CHCHD3: variants seen among roughly 807,000 people sequenced by gnomAD.
The protein encoded by CHCHD3 is coiled-coil-helix-coiled-coil-helix domain containing 3.
Under a neutral mutation model 38.2 loss-of-function variants are expected in CHCHD3, and 20 were observed. The ratio of observed to expected loss-of-function variants is 0.52; its 90% CI spans 0.37 to 0.76. The LOEUF (loss-of-function observed/expected upper bound fraction) is 0.76, where lower values mean the gene tolerates loss of function less well. Ranked by LOEUF, CHCHD3 falls within the 30% of genes least tolerant of loss-of-function variation. The pLI, the probability that CHCHD3 is intolerant of heterozygous loss-of-function variation, is 0.00. For synonymous variants in CHCHD3, 82 were observed against 100.0 expected, an observed-to-expected ratio of 0.82 and a Z score of 1.07; for missense variants, 245 against 279.2, an observed-to-expected ratio of 0.88 and a Z score of 0.87.
chr7:132,951,351 G>A (rs187895228), intron 4 of CHCHD3, among the ~76,000 whole-genome samples: 1 of 152,188 alleles, frequency 6.6e-6, no homozygotes, highest in South Asian at 2.1e-4. Context: ...GAGAAGGGAA[G>A]TATTTAGAAA....
chr7:132,997,103 T>G (rs1472934924), intron 3 of CHCHD3, among the ~76,000 whole-genome samples: 1 of 152,236 alleles, frequency 6.6e-6, no homozygotes, highest in Admixed American at 6.5e-5. Context: ...ATGAACCATG[T>G]TAGCTAAACT....
At chr7:132,942,494 TACTC>T (rs1436966077) in intron 4 of CHCHD3, among the ~76,000 whole-genome samples, 2 of 152,220 alleles carry the variant, frequency 1.3e-5, no homozygotes, top group African/African-American at 4.8e-5. Context: ...AGAAGAAAAT[TACTC>T]AGTGTTAATA....
At chr7:132,799,007 C>CTGTGTGTGTG (rs58508838) in intron 6 of CHCHD3, among the ~76,000 whole-genome samples, 32 of 145,588 alleles carry the variant, frequency 2.2e-4, no homozygotes, top group African/African-American at 3.8e-4. Context: ...GTGATCTGTT[C>CTGTGTGTGTG]TGTGTGTGTG....
intron 3 of CHCHD3, among the ~76,000 whole-genome samples, chr7:132,991,903 G>C (rs889608003): frequency 6.6e-6 from 1 of 152,128 alleles, no homozygotes; most frequent in Non-Finnish European, 1.5e-5. Flanking sequence ...AGTCTCTGTT[G>C]TAATTAATTT....
At chr7:133,039,228 T>A (rs1813761544) in intron 2 of CHCHD3, among the ~76,000 whole-genome samples, 1 of 152,170 alleles carries the variant, frequency 6.6e-6, no homozygotes, top group Admixed American at 6.5e-5. Context: ...ATAACAAATA[T>A]CAAAACCATT....
At position 133,077,482 on chromosome 7, in the gene CHCHD3, C is replaced by A. The variant is rs563110559; in HGVS notation, c.81+4375G>T. Among the ~76,000 whole-genome samples, 18 of 152,332 alleles carry A rather than the reference C, an allele frequency of 1.2e-4. No individual in the cohort carries two copies. The South Asian group carries it at 1.4e-3, about 12-fold the overall frequency. ...GGCTCCTGTGAATTTCAGCTTGCAA[C>A]TTTAAAGCCCAGCTGCGGACATTCG... On this transcript the variant is annotated intron_variant, in intron 1 of 7. Coordinates refer to ENST00000262570, the MANE Select transcript of CHCHD3 (RefSeq NM_017812.4).
chr7:132,822,186 C>T (rs953347262), intron 6 of CHCHD3, among the ~76,000 whole-genome samples: 2 of 152,272 alleles, frequency 1.3e-5, no homozygotes, highest in South Asian at 4.1e-4. Context: ...CTTCTCAGCG[C>T]TTCACTTTCC....
Position 133,007,290 on chromosome 7 carries a change from G to A in CHCHD3, c.251+17256C>T, listed in dbSNP as rs1459686422. The stretch of plus-strand genomic sequence containing the variant: ...GAAGCAAGCAGGGGCAGACCTAGGA[G>A]AGACCCACTTGATTGTGCCCATGTC... On this transcript the variant is annotated intron_variant, in intron 3 of 7. Transcript: ENST00000262570. Among the ~76,000 whole-genome samples, 4 of 152,246 alleles carry A rather than the reference G, an allele frequency of 2.6e-5. No homozygotes were observed. In the East Asian group the frequency reaches 7.7e-4, roughly 29 times the overall value.
At chr7:132,948,311 G>A (rs1252081591) in intron 4 of CHCHD3, among the ~76,000 whole-genome samples, 1 of 152,044 alleles carries the variant, frequency 6.6e-6, no homozygotes, top group African/African-American at 2.4e-5. Flanking sequence ...TCACCTTGGA[G>A]GCTGGTCAAA....
intron 6 of CHCHD3, among the ~76,000 whole-genome samples, chr7:132,827,211 G>A (rs1807529639): frequency 6.6e-6 from 1 of 152,240 alleles, no homozygotes; most frequent in East Asian, 1.9e-4. Context: ...GGGTGTTTTA[G>A]GTATAATTAA....
At chr7:132,818,028 A>G (rs1225359845) in intron 6 of CHCHD3, among the ~76,000 whole-genome samples, 1 of 152,174 alleles carries the variant, frequency 6.6e-6, no homozygotes, top group African/African-American at 2.4e-5. Context: ...ATGAGGGCCC[A>G]CCCCAGCCAA....
chr7:133,082,066 G>A lies in CHCHD3; in HGVS notation c.-129C>T, dbSNP rs576423570. On this transcript the variant is annotated 5_prime_UTR_variant, in exon 1 of 8. Coordinates refer to ENST00000262570, the MANE Select transcript of CHCHD3 (RefSeq NM_017812.4). Reference sequence around the variant, plus strand: ...AGCGGGAGCAAGGCCACGACCCCCAGAAGCAAGGAGAAGGCGCCGGTCCTG... The same window carrying A: ...AGCGGGAGCAAGGCCACGACCCCCAAAAGCAAGGAGAAGGCGCCGGTCCTG... 217 of 779,310 alleles carry A rather than the reference G, an allele frequency of 2.8e-4. No individual in the cohort carries two copies. In the African/African-American group the frequency reaches 3.6e-3, roughly 13 times the overall value. The allele number at this position is 779,310 out of a possible 1,614,324, so 48.3% of individuals were successfully genotyped here.
chr7:132,836,217 G>A (rs922212224), intron 6 of CHCHD3, among the ~76,000 whole-genome samples: 31 of 151,926 alleles, frequency 2.0e-4, no homozygotes, highest in African/African-American at 7.5e-4. Context: ...GGATTCAAGC[G>A]ATTCTCCTGC....
chr7:132,957,874 T>C (rs185252941), intron 4 of CHCHD3, among the ~76,000 whole-genome samples: 2 of 152,252 alleles, frequency 1.3e-5, no homozygotes, highest in East Asian at 3.9e-4. Context: ...AGGCCACCTA[T>C]CAAAAGGTAA....
At chr7:132,847,690 T>C (rs1299196192) in intron 5 of CHCHD3, among the ~76,000 whole-genome samples, 3 of 152,220 alleles carry the variant, frequency 2.0e-5, no homozygotes, top group Admixed American at 2.0e-4. Context: ...ATTTGAAAAC[T>C]ATCTGTTTTC....
chr7:132,904,997 A>T (rs1050019454), intron 4 of CHCHD3, among the ~76,000 whole-genome samples: 1 of 152,018 alleles, frequency 6.6e-6, no homozygotes, highest in East Asian at 1.9e-4. Context: ...TCACAAGGAC[A>T]GAAAACCAAA....
At chr7:132,829,616 C>T (rs1235765483) in intron 6 of CHCHD3, among the ~76,000 whole-genome samples, 3 of 152,160 alleles carry the variant, frequency 2.0e-5, no homozygotes, top group African/African-American at 7.2e-5. Flanking sequence ...CCAATAAACC[C>T]CAACTGCCAC....
chr7:132,898,661 C>T (rs1343411395), intron 4 of CHCHD3, among the ~76,000 whole-genome samples: 2 of 152,252 alleles, frequency 1.3e-5, no homozygotes, highest in Admixed American at 1.3e-4. Flanking sequence ...CAGGGGGTGG[C>T]GCTCGTCGAG....
At chr7:133,019,526 AT>A (rs1330245434) in intron 3 of CHCHD3, among the ~76,000 whole-genome samples, 1 of 152,218 alleles carries the variant, frequency 6.6e-6, no homozygotes, top group Non-Finnish European at 1.5e-5. Flanking sequence ...TTTATGACTA[AT>A]TTATTAAACC....
Sources: gnomAD v4.1 joint callset for allele counts (sites outside exome capture counted in the v4.1 genomes callset) on GRCh38, gnomAD v4.1.1 for gene constraint, MANE v1.5 for transcripts, NCBI Gene and HGNC (gene_info 2026-07-23, HGNC 2026-07-21) for gene names.